Variants in ARHGEF28 observed in about 807,000 individuals in gnomAD.
ARHGEF28 encodes the protein Rho guanine nucleotide exchange factor 28.
A neutral mutation model predicts 206.6 loss-of-function variants in ARHGEF28; 152 were observed. The observed-to-expected ratio is 0.74, with a 90% CI of 0.64 to 0.84. The LOEUF is 0.84. Among genes scored for constraint, ARHGEF28 ranks in the 40% least tolerant of loss-of-function variants. ARHGEF28 has a pLI of 0.00. For missense variants in ARHGEF28, 2,028 were observed against 2,073.2 expected, an observed-to-expected ratio of 0.98 and a Z score of 0.42; for synonymous variants, 763 against 776.4, an observed-to-expected ratio of 0.98 and a Z score of 0.29.
intron 2 of ARHGEF28, among the ~76,000 whole-genome samples, chr5:73,707,636 A>G (rs1250910356): frequency 6.6e-6 from 1 of 152,242 alleles, no homozygotes; most frequent in Non-Finnish European, 1.5e-5. Flanking sequence ...CCTGACTAGT[A>G]TGCAGAGGCA....
At chr5:73,879,695 G>T (rs2112659388) in intron 22 of ARHGEF28, among the ~76,000 whole-genome samples, 1 of 152,316 alleles carries the variant, frequency 6.6e-6, no homozygotes, top group East Asian at 1.9e-4. Flanking sequence ...GTCCACTCCA[G>T]ACCCTGTTTG....
intron 1 of ARHGEF28, among the ~76,000 whole-genome samples, chr5:73,667,821 A>T (rs1377664501): frequency 6.6e-6 from 1 of 152,214 alleles, no homozygotes; most frequent in Admixed American, 6.5e-5. Flanking sequence ...TGCTGCTTAG[A>T]TATTTCTTTT....
rs1274293475 is a variant in ARHGEF28 at position 73,846,429 on chromosome 5, T to C, written c.1589T>C (p.Ile530Thr). 6.2e-7 allele frequency: 1 copy of C among 1,613,978 alleles called. No individual in the cohort carries two copies. Among genetic ancestry groups the C allele is most frequent in the East Asian group, 2.2e-5 (1 of 44,876 alleles). Reference protein sequence around the residue: ...FETNTEPDFNISRAESLPLSS... With the variant: ...FETNTEPDFNTSRAESLPLSS... ...ACTAACACTGAACCGGATTTTAATA[T>C]CTCCAGGGCTGAATCCCTTCCTCTA... Residue 530 changes from isoleucine to threonine, a missense_variant, in exon 12 of 36, where the codon ATC becomes ACC. Ile to Thr is a moderately conservative substitution (Grantham distance 89). Coordinates refer to ENST00000513042, the MANE Select transcript of ARHGEF28 (RefSeq NM_001177693.2).
intron 2 of ARHGEF28, among the ~76,000 whole-genome samples, chr5:73,737,042 G>A (rs1750981202): frequency 6.6e-6 from 1 of 152,120 alleles, no homozygotes; most frequent in African/African-American, 2.4e-5. Context: ...CCCAGAATGG[G>A]GATGTGCCAT....
intron 4 of ARHGEF28, among the ~76,000 whole-genome samples, chr5:73,771,287 A>G (rs1003684578): frequency 2.0e-5 from 3 of 152,222 alleles, no homozygotes; most frequent in African/African-American, 7.2e-5. Flanking sequence ...TCATGCCTGT[A>G]ATCCCAGCAC....
Position 73,940,888 on chromosome 5 carries a change from A to G in ARHGEF28, c.4993A>G (p.Asn1665Asp), listed in dbSNP as rs948605735. The G allele has an allele frequency of 1.3e-6, 2 of 1,532,784 alleles. No homozygotes were observed. Among genetic ancestry groups the G allele is most frequent in the Admixed American group, 2.0e-5 (1 of 49,812 alleles). The allele number at this position is 1,532,784 out of a possible 1,614,324, so 94.9% of individuals were successfully genotyped here. A position where few individuals can be genotyped will look rare whatever the true frequency, so the allele number is the denominator to read the frequency against. ...HTESPTPHDS[N>D]SHRPQLQAFI... The stretch of plus-strand genomic sequence containing the variant: ...TGAGTCCCCAACCCCCCATGACTCA[A>G]ATTCACACCGCCCTCAACTGCAGGC... The change falls in exon 36 of 36, where the codon AAT becomes GAT. Residue 1665 changes from asparagine (N) to aspartate (D), a missense_variant. Physicochemically the swap from Asn to Asp is conservative, Grantham distance 23. This residue lies in a region of ARHGEF28 where 803 missense variants were observed against 768.0 expected (regional missense o/e 1.05). Transcript: ENST00000513042.
At position 73,753,063 on chromosome 5, in the gene ARHGEF28, C is replaced by T. The variant is rs1420551461; in HGVS notation, c.336C>T (p.Ala112=). Residue 112 remains alanine (A), a synonymous_variant, in exon 4 of 36, where the codon GCC becomes GCT. Coordinates refer to ENST00000513042, the MANE Select transcript of ARHGEF28 (RefSeq NM_001177693.2). ...LLVTQANRLT[A]CSHQTLLTPF... ...TGACGCAGGCCAATCGCCTCACAGCCTGCAGCCACCAGACCCTGCTGACCC... is the reference window on the plus strand; with the variant it reads ...TGACGCAGGCCAATCGCCTCACAGCTTGCAGCCACCAGACCCTGCTGACCC... The T allele has an allele frequency of 4.3e-6, 7 of 1,610,640 alleles. No individual in the cohort carries two copies. The highest frequency in any genetic ancestry group is 1.7e-5 in the Admixed American group (1 of 59,542).
intron 2 of ARHGEF28, among the ~76,000 whole-genome samples, chr5:73,708,294 G>A (rs6860763): frequency 0.26 from 38,873 of 151,582 alleles, 5,609 homozygotes; most frequent in African/African-American, 0.38. Context: ...AATTGATCTC[G>A]CTACCCAGAC....
chr5:73,783,370 G>A (rs9765791), intron 7 of ARHGEF28, among the ~76,000 whole-genome samples: 7 of 128,178 alleles, frequency 5.5e-5, no homozygotes, highest in Admixed American at 1.6e-4. Context: ...GTGTGTGTGT[G>A]TGTGTGTGTG....
At chr5:73,836,738 C>A (rs1485048118) in intron 10 of ARHGEF28, among the ~76,000 whole-genome samples, 1 of 152,086 alleles carries the variant, frequency 6.6e-6, no homozygotes, top group Non-Finnish European at 1.5e-5. Flanking sequence ...ATTGCCAAGA[C>A]CAATGTCAAG....
intron 9 of ARHGEF28, among the ~76,000 whole-genome samples, chr5:73,801,336 A>G (rs1318365530): frequency 6.6e-6 from 1 of 152,150 alleles, no homozygotes. Flanking sequence ...AATCCCAGCT[A>G]CTTGGGAGGC....
rs142256550 is a variant in ARHGEF28, at chr5:73,694,214, A to G, written c.33+9330A>G. 2.5e-3 allele frequency among the ~76,000 whole-genome samples: 379 copies of G among 152,310 alleles called. 1 individual carries two copies. Among genetic ancestry groups the G allele is most frequent in the African/African-American group, 8.9e-3 (369 of 41,578 alleles). On this transcript the variant is annotated intron_variant, in intron 2 of 35. Transcript: ENST00000513042. ...CCCTCCTACTGTCACAACTGAGATG[A>G]TAAGCTTCTGGGGAAAGGCCCAAAG... is the stretch of plus-strand genomic sequence containing the variant.
Position 73,785,549 on chromosome 5 carries a change from C to T in ARHGEF28, c.910+4804C>T, listed in dbSNP as rs1013048137. On this transcript the variant is annotated intron_variant, in intron 7 of 35. Transcript: ENST00000513042. ...TATTCCAGATCATTCATGCCTCCCTCGACATCCCACTTCAATTCTTGATAT... is the reference window on the plus strand; with the variant it reads ...TATTCCAGATCATTCATGCCTCCCTTGACATCCCACTTCAATTCTTGATAT... Among the ~76,000 whole-genome samples, 36 of 152,166 alleles carry T rather than the reference C, an allele frequency of 2.4e-4. 1 individual carries two copies. Among genetic ancestry groups the T allele is most frequent in the African/African-American group, 7.2e-4 (30 of 41,446 alleles).
chr5:73,692,061 CTG>C (rs750616932), intron 2 of ARHGEF28, among the ~76,000 whole-genome samples: 1 of 152,104 alleles, frequency 6.6e-6, no homozygotes, highest in Non-Finnish European at 1.5e-5. Context: ...GCTTTAATAA[CTG>C]ATAATTATGT....
chr5:73,919,016 C>T (rs1763373048), intron 35 of ARHGEF28, among the ~76,000 whole-genome samples: 1 of 152,152 alleles, frequency 6.6e-6, no homozygotes, highest in Non-Finnish European at 1.5e-5. Flanking sequence ...TTGCTTCAAA[C>T]CCTGGACTCT....
At chr5:73,871,978 A>C (rs1261861876) in intron 21 of ARHGEF28, among the ~76,000 whole-genome samples, 1 of 152,124 alleles carries the variant, frequency 6.6e-6, no homozygotes, top group Non-Finnish European at 1.5e-5. Flanking sequence ...TTGTTTTCCT[A>C]ATCATCAATT....
intron 35 of ARHGEF28, among the ~76,000 whole-genome samples, chr5:73,920,928 TAGTC>T (rs1205596831): frequency 1.3e-5 from 2 of 152,314 alleles, no homozygotes; most frequent in African/African-American, 2.4e-5. Flanking sequence ...CAATAACAAT[TAGTC>T]AGCTTATCTG....
intron 1 of ARHGEF28, among the ~76,000 whole-genome samples, chr5:73,660,321 C>T (rs1345228938): frequency 6.6e-6 from 1 of 152,166 alleles, no homozygotes; most frequent in Non-Finnish European, 1.5e-5. Flanking sequence ...CCCATCTTAT[C>T]GCTCCACTTC....
intron 1 of ARHGEF28, among the ~76,000 whole-genome samples, chr5:73,663,713 TATTCAGGACG>T (rs1428476874): frequency 6.6e-6 from 1 of 152,236 alleles, no homozygotes; most frequent in Non-Finnish European, 1.5e-5. Context: ...CCCTTTGTAA[TATTCAGGACG>T]ATTTTTAAAA....
Sources: allele counts gnomAD v4.1 joint callset (sites outside exome capture counted in the v4.1 genomes callset), GRCh38; gene constraint gnomAD v4.1.1; regional missense constraint gnomAD v4.1.1; transcripts MANE v1.5; gene names NCBI Gene and HGNC (gene_info 2026-07-23, HGNC 2026-07-21).